Variants in ELAVL2 observed in about 807,000 individuals in gnomAD.
ELAVL2 encodes the protein ELAV-like protein 2.
In ELAVL2, 4 loss-of-function variants were observed where a neutral mutation model predicts 34.6. The ratio of observed to expected loss-of-function variants is 0.12; its 90% CI spans 0.06 to 0.26. ELAVL2 has a LOEUF of 0.26. ELAVL2 is among the 10% of genes least tolerant of loss of function. ELAVL2 has a pLI of 1.00. For synonymous variants in ELAVL2, 193 were observed against 154.8 expected, an observed-to-expected ratio of 1.25 and a Z score of -1.83; for missense variants, 432 against 442.8, an observed-to-expected ratio of 0.98 and a Z score of 0.22.
At chr9:23,698,323 G>C (rs2035971314) in intron 5 of ELAVL2, among the ~76,000 whole-genome samples, 2 of 152,096 alleles carry the variant, frequency 1.3e-5, no homozygotes, top group African/African-American at 4.8e-5. Context: ...AATTAAATAA[G>C]CGTATTAGAC....
chr9:23,748,321 T>A (rs973874877), intron 2 of ELAVL2, among the ~76,000 whole-genome samples: 1 of 152,146 alleles, frequency 6.6e-6, no homozygotes, highest in Admixed American at 6.6e-5. Context: ...GAGAATGAAG[T>A]GAGGTAACGA....
chr9:23,789,012 T>A (rs2060031616), intron 1 of ELAVL2, among the ~76,000 whole-genome samples: 1 of 152,158 alleles, frequency 6.6e-6, no homozygotes, highest in Non-Finnish European at 1.5e-5. Flanking sequence ...ACTACTGCCA[T>A]CCAAGCAAAA....
chr9:23,719,217 C>T (rs185921403), intron 3 of ELAVL2, among the ~76,000 whole-genome samples: 56 of 152,280 alleles, frequency 3.7e-4, no homozygotes, highest in African/African-American at 1.3e-3. Context: ...TGATTTGGTA[C>T]CAGGCCCTTT....
At chr9:23,804,164 T>A (rs1047755733) in intron 1 of ELAVL2, among the ~76,000 whole-genome samples, 2 of 150,544 alleles carry the variant, frequency 1.3e-5, no homozygotes, top group East Asian at 3.9e-4. Context: ...ATGGATTTAT[T>A]ATTTATTTAT....
rs557063128 is a variant in ELAVL2 at position 23,775,605 on chromosome 9, C to G, written c.-15-13356G>C. On this transcript the variant is annotated intron_variant, in intron 1 of 6. Coordinates refer to ENST00000397312, the MANE Select transcript of ELAVL2 (RefSeq NM_004432.5). ...TCTAACTAAAATAATGGGCAGCACT[C>G]CACTACTATCTCTTTTAAAGCTCTG... Among the ~76,000 whole-genome samples, 17 of 152,222 alleles carry G rather than the reference C, an allele frequency of 1.1e-4. No individual in the cohort carries two copies. In the South Asian group the frequency reaches 3.5e-3, roughly 32 times the overall value.
chr9:23,705,128 T>G (rs1007743495), intron 3 of ELAVL2, 57 bp from the exon 4 acceptor site: 4 of 1,596,774 alleles, frequency 2.5e-6, no homozygotes, highest in Middle Eastern at 1.7e-4. Flanking sequence ...CACCTCCCTT[T>G]AGAAACTCAA....
chr9:23,821,759 GCGC>G (rs2064800250), intron 1 of ELAVL2: 1 of 149,292 alleles, frequency 6.7e-6, no homozygotes, highest in Non-Finnish European at 1.5e-5. Flanking sequence ...CGCCCCACCC[GCGC>G]CGCGCCGCGC....
At chr9:23,825,632 G>A (rs77214530) in intron 1 of ELAVL2, among the ~76,000 whole-genome samples, 174 bp downstream of exon 1, 6,832 of 152,226 alleles carry the variant, frequency 0.045, 208 homozygotes, top group Non-Finnish European at 0.073. Context: ...CTAAGCATGC[G>A]TCCACCGTCT....
rs532892047 is a variant in ELAVL2, at chr9:23,745,333, G to C, written c.230-14208C>G. 1.9e-4 allele frequency among the ~76,000 whole-genome samples: 29 copies of C among 152,280 alleles called. No individual in the cohort carries two copies. In the East Asian group the frequency reaches 5.4e-3, roughly 28 times the overall value. The stretch of plus-strand genomic sequence containing the variant: ...AAGATATTATACAAAGATTTTCTGT[G>C]TAATCCTCTATAACCTGGTATTATC... On this transcript the variant is annotated intron_variant, in intron 2 of 6. Transcript: ENST00000397312.
chr9:23,709,163 C>G (rs543508383), intron 3 of ELAVL2, among the ~76,000 whole-genome samples: 111 of 152,240 alleles, frequency 7.3e-4, no homozygotes, highest in African/African-American at 2.1e-3. Flanking sequence ...AAGGTCCTAC[C>G]CCTATCCCTT....
At chr9:23,721,911 T>C (rs977739846) in intron 3 of ELAVL2, among the ~76,000 whole-genome samples, 2 of 152,224 alleles carry the variant, frequency 1.3e-5, no homozygotes, top group African/African-American at 4.8e-5. Flanking sequence ...AGGCTTCTAG[T>C]CAACAGTAGG....
intron 3 of ELAVL2, among the ~76,000 whole-genome samples, chr9:23,730,378 C>T (rs935857569): frequency 2.0e-5 from 3 of 152,078 alleles, no homozygotes; most frequent in Non-Finnish European, 4.4e-5. Context: ...TCCAGTCAGT[C>T]TCCTCAAAGC....
chr9:23,701,416 A>G lies in ELAVL2; in HGVS notation c.676T>C (p.Tyr226His). 1.2e-6 allele frequency: 2 copies of G among 1,614,072 alleles called. No individual in the cohort carries two copies. Among genetic ancestry groups the G allele is most frequent in the Non-Finnish European group, 1.7e-6 (2 of 1,179,978 alleles). ...GCCTGCTGAGCTAGCGGTCCTGGAT[A>G]CCTTCTGTTTGGAGACTGGTACAGC... ...SQLYQSPNRR[Y>H]PGPLAQQAQR... The change falls in exon 5 of 7, where the codon TAT (tyrosine) becomes CAT (histidine). Residue 226 changes from tyrosine (Y) to histidine (H), a missense_variant. By Grantham distance (83) the Tyr-to-His change is moderately conservative. This residue lies in a region of ELAVL2 where 295 missense variants were observed against 306.1 expected (regional missense o/e 0.96). Transcript: ENST00000397312.
At chr9:23,737,025 A>G (rs943893277) in intron 2 of ELAVL2, among the ~76,000 whole-genome samples, 1 of 152,130 alleles carries the variant, frequency 6.6e-6, no homozygotes, top group Non-Finnish European at 1.5e-5. Flanking sequence ...TCCCCAGTGC[A>G]CACTGTACAG....
the ELAVL2 span, among the ~76,000 whole-genome samples, chr9:23,841,947 C>T: frequency 1.3e-5 from 2 of 152,052 alleles, no homozygotes; most frequent in South Asian, 2.1e-4. Context: ...ATATGATTCT[C>T]GAAAGTTTCA....
chr9:23,710,018 C>A (rs1323221262), intron 3 of ELAVL2, among the ~76,000 whole-genome samples: 1 of 151,992 alleles, frequency 6.6e-6, no homozygotes, highest in Non-Finnish European at 1.5e-5. Flanking sequence ...AGGGGAGGGA[C>A]GGGGAGGCAG....
At chr9:23,814,522 C>T in intron 1 of ELAVL2, among the ~76,000 whole-genome samples, 1 of 152,020 alleles carries the variant, frequency 6.6e-6, no homozygotes. Flanking sequence ...CTGATGACCT[C>T]GTATTTGGGA....
At chr9:23,791,722 A>G (rs2060345142) in intron 1 of ELAVL2, among the ~76,000 whole-genome samples, 1 of 152,212 alleles carries the variant, frequency 6.6e-6, no homozygotes, top group South Asian at 2.1e-4. Flanking sequence ...GTGAGGACAC[A>G]GTGAGAAGGT....
intron 1 of ELAVL2, among the ~76,000 whole-genome samples, chr9:23,793,495 T>C (rs916868939): frequency 6.6e-6 from 1 of 152,164 alleles, no homozygotes; most frequent in Non-Finnish European, 1.5e-5. Flanking sequence ...ACCCTCAACT[T>C]TTTTTCTAAA....
Sources: gnomAD v4.1 joint callset for allele counts (sites outside exome capture counted in the v4.1 genomes callset) on GRCh38, gnomAD v4.1.1 for gene constraint, gnomAD v4.1.1 regional missense constraint, MANE v1.5 for transcripts, NCBI Gene and HGNC (gene_info 2026-07-23, HGNC 2026-07-21) for gene names.